RBBP8: variants seen among roughly 807,000 people sequenced by gnomAD.
RBBP8 encodes DNA endonuclease RBBP8.
In RBBP8, 88 loss-of-function variants were observed where a neutral mutation model predicts 108.3. The observed-to-expected ratio is 0.81, with a 90% CI of 0.68 to 0.97. The LOEUF (loss-of-function observed/expected upper bound fraction) is 0.97. RBBP8 is among the 50% of genes least tolerant of loss of function. The pLI is 0.00. For synonymous variants in RBBP8, 332 were observed against 348.2 expected (o/e 0.95, Z 0.52); for missense variants, 1,023 against 1,049.0 (o/e 0.98, Z 0.34).
intron 4 of RBBP8, among the ~76,000 whole-genome samples, chr18:22,959,702 G>A (rs1912900829): frequency 6.6e-6 from 1 of 150,894 alleles, no homozygotes; most frequent in Non-Finnish European, 1.5e-5. Context: ...ATTATTTGTT[G>A]ATTGTTGCTG....
intron 4 of RBBP8, among the ~76,000 whole-genome samples, chr18:22,957,124 A>G (rs924306774): frequency 1.3e-5 from 2 of 152,142 alleles, no homozygotes; most frequent in Admixed American, 1.3e-4. Flanking sequence ...CACTGAAGCA[A>G]GTGTCCGCTT....
rs1488205667 is a variant in RBBP8, at chr18:22,968,817, G to A, written c.260G>A (p.Gly87Asp). 1 of 1,613,116 alleles carries A rather than the reference G, an allele frequency of 6.2e-7. No individual in the cohort carries two copies. Among genetic ancestry groups the A allele is most frequent in the Non-Finnish European group, 8.5e-7 (1 of 1,179,304 alleles). The change falls in exon 5 of 19, where the codon GGC (glycine) becomes GAC (aspartate). Residue 87 changes from glycine (G) to aspartate (D), a missense_variant. By Grantham distance (94) the Gly-to-Asp change is moderately conservative. Coordinates refer to ENST00000327155, the MANE Select transcript of RBBP8 (RefSeq NM_002894.3). ...IKVLEDRLRA[G>D]LCDRCAVTEE... ...GTTTTGTTTCATAGGTTAAGAGCAGGCTTATGTGATCGCTGTGCAGTAACT... is the reference window on the plus strand; with the variant it reads ...GTTTTGTTTCATAGGTTAAGAGCAGACTTATGTGATCGCTGTGCAGTAACT...
intron 4 of RBBP8, among the ~76,000 whole-genome samples, chr18:22,966,542 C>T (rs962377530): frequency 3.4e-5 from 5 of 147,102 alleles, no homozygotes; most frequent in Middle Eastern, 3.3e-3. Flanking sequence ...AGTTTGAGAC[C>T]AGCCTGGGCA....
upstream of RBBP8, among the ~76,000 whole-genome samples, chr18:22,930,294 G>C (rs1483565606): frequency 6.6e-6 from 1 of 152,194 alleles, no homozygotes; most frequent in Non-Finnish European, 1.5e-5. Context: ...GGCAGCACTG[G>C]GCCTGAGGTG....
rs2045857424 is a variant in RBBP8, at chr18:22,996,355, C to T, written c.1940-19C>T. The T allele has an allele frequency of 6.2e-7, 1 of 1,612,754 alleles. No individual in the cohort carries two copies. The highest frequency in any genetic ancestry group is 8.5e-7 in the Non-Finnish European group (1 of 1,179,652). On this transcript the variant is annotated intron_variant, in intron 12 of 18. Coordinates refer to ENST00000327155, the MANE Select transcript of RBBP8 (RefSeq NM_002894.3). ...TTGAAATCAGTTTTTTAATTGCATG[C>T]TCTTTCCCTTTACCTAAGATGTATC...
At chr18:23,007,829 T>G (rs74888959) in intron 16 of RBBP8, among the ~76,000 whole-genome samples, 4 of 151,512 alleles carry the variant, frequency 2.6e-5, no homozygotes, top group Non-Finnish European at 4.4e-5. Context: ...TTTTTTTTTT[T>G]GAAATGGAGT....
intron 17 of RBBP8, among the ~76,000 whole-genome samples, chr18:23,021,640 C>G (rs1210445625): frequency 6.6e-6 from 1 of 152,060 alleles, no homozygotes; most frequent in Non-Finnish European, 1.5e-5. Context: ...ACATTCAGAT[C>G]TAAATTATTT....
intron 3 of RBBP8, chr18:22,920,809 C>T (rs1030024891): frequency 1.3e-5 from 2 of 152,152 alleles, no homozygotes; most frequent in African/African-American, 2.4e-5. Flanking sequence ...CCATTCCAAA[C>T]GTATCACATT....
At chr18:22,916,502 A>G (rs1245320340) in intron 2 of RBBP8, among the ~76,000 whole-genome samples, 2 of 152,070 alleles carry the variant, frequency 1.3e-5, no homozygotes, top group Non-Finnish European at 2.9e-5. Context: ...ACTACCCTAC[A>G]TTGACTCTTC....
chr18:22,915,138 A>C (rs912488441), intron 1 of RBBP8, among the ~76,000 whole-genome samples: 1 of 152,132 alleles, frequency 6.6e-6, no homozygotes, highest in Non-Finnish European at 1.5e-5. Context: ...TTAATTTAAC[A>C]TAACAGCTGA....
chr18:23,021,465 T>TGCTTTGTTTTC (rs1371990477), intron 17 of RBBP8, among the ~76,000 whole-genome samples: 35 of 152,210 alleles, frequency 2.3e-4, no homozygotes, highest in African/African-American at 8.2e-4. Context: ...CTTAAACTAC[T>TGCTTTGTTTTC]GCTTTGTTTT....
At chr18:23,023,361 T>A (rs1352807125) in intron 18 of RBBP8, among the ~76,000 whole-genome samples, 1 of 152,194 alleles carries the variant, frequency 6.6e-6, no homozygotes, top group Non-Finnish European at 1.5e-5. Flanking sequence ...ATAAAAAAGA[T>A]GTTTATTTGT....
chr18:22,967,152 G>T (rs550149454), intron 4 of RBBP8, among the ~76,000 whole-genome samples: 56 of 152,254 alleles, frequency 3.7e-4, no homozygotes, highest in Admixed American at 6.5e-4. Context: ...GGATCACGAG[G>T]TTGGGAGATC....
intron 5 of RBBP8, among the ~76,000 whole-genome samples, chr18:22,970,248 T>C (rs1913972663): frequency 6.6e-6 from 1 of 152,176 alleles, no homozygotes; most frequent in Admixed American, 6.5e-5. Flanking sequence ...GATTTAGAAC[T>C]CACAGATATA....
chr18:22,997,585 T>A, intron 13 of RBBP8, 35 bp from the exon 14 acceptor site: 4 of 1,270,250 alleles, frequency 3.1e-6, no homozygotes, highest in Non-Finnish European at 4.5e-6. Flanking sequence ...AAGGAATAAT[T>A]GTTAAAATTT....
intron 3 of RBBP8, among the ~76,000 whole-genome samples, chr18:22,924,883 A>G (rs1021182210): frequency 1.3e-5 from 2 of 152,022 alleles, no homozygotes; most frequent in Admixed American, 6.6e-5. Flanking sequence ...AACTGAGAAA[A>G]GGAAGGAAGC....
At chr18:22,990,886 A>G in intron 9 of RBBP8, 51 bp from the exon 10 acceptor site, 2 of 1,382,160 alleles carry the variant, frequency 1.4e-6, no homozygotes, top group Non-Finnish European at 2.1e-6. Context: ...TCCCTTTTTA[A>G]GAATGAACAA....
rs377035045 is a variant in RBBP8 at position 22,941,898 on chromosome 18, T to C, written c.110-4546T>C. On this transcript the variant is annotated intron_variant, in intron 2 of 18. Coordinates refer to ENST00000327155, the MANE Select transcript of RBBP8 (RefSeq NM_002894.3). ...CACTTTCCCAATTTCAAATAACTTA[T>C]GGATTCTTAAAGGTATTAAATGAAT... is the stretch of plus-strand genomic sequence containing the variant. Among the ~76,000 whole-genome samples the C allele has an allele frequency of 7.6e-4, 116 of 152,290 alleles. 1 individual carries two copies. The highest frequency in any genetic ancestry group is 4.6e-3 in the East Asian group (24 of 5,192).
At chr18:22,989,745 G>GC (rs1247282187) in intron 9 of RBBP8, among the ~76,000 whole-genome samples, 2 of 152,010 alleles carry the variant, frequency 1.3e-5, no homozygotes, top group African/African-American at 4.8e-5. Context: ...CAGTCATGGA[G>GC]CCCTATAGCT....
Sources: gnomAD v4.1 joint callset for allele counts (sites outside exome capture counted in the v4.1 genomes callset) on GRCh38, gnomAD v4.1.1 for gene constraint, MANE v1.5 for transcripts, NCBI Gene and HGNC (gene_info 2026-07-23, HGNC 2026-07-21) for gene names.